The following TNKS variants were observed in gnomAD, a reference collection of about 807,000 sequenced individuals.
TNKS encodes poly [ADP-ribose] polymerase tankyrase-1.
Under a neutral mutation model 135.8 loss-of-function variants are expected in TNKS, and 72 were observed. That is an observed-to-expected ratio of 0.53 (90% CI 0.44 to 0.64). The LOEUF (loss-of-function observed/expected upper bound fraction) is 0.64. Ranked by LOEUF, TNKS falls within the 30% of genes least tolerant of loss-of-function variation. The pLI, the probability that TNKS is intolerant of heterozygous loss-of-function variation, is 0.00. For missense variants in TNKS, 1,769 were observed against 1,674.0 expected (o/e 1.06, Z -0.99); for synonymous variants, 849 against 649.3 (o/e 1.31, Z -4.68).
intron 3 of TNKS, 98 bp downstream of exon 3, chr8:9,615,775 A>G: frequency 1.1e-6 from 1 of 890,626 alleles, no homozygotes; most frequent in East Asian, 2.7e-5. Context: ...TCACTGATGA[A>G]GCTAAGCAAA....
At chr8:9,775,498 T>TATATATATATATATATATAC (rs1808181432) in intron 26 of TNKS, among the ~76,000 whole-genome samples, 1 of 97,620 alleles carries the variant, frequency 1.0e-5, no homozygotes. Context: ...TATATATATA[T>TATATATATATATATATATAC]ATATATGTAG....
intron 1 of TNKS, chr8:9,566,403 A>C (rs989573624): frequency 3.3e-5 from 5 of 152,104 alleles, no homozygotes; most frequent in Non-Finnish European, 7.4e-5. Flanking sequence ...CTGTTATCCT[A>C]TGTTAATTTA....
At chr8:9,580,121 C>G (rs774599289) in intron 1 of TNKS, 38 bp from the exon 2 acceptor site, 3 of 1,566,732 alleles carry the variant, frequency 1.9e-6, no homozygotes, top group Non-Finnish European at 2.6e-6. Flanking sequence ...TTTACAAAAT[C>G]AAATATATAT....
chr8:9,634,246 AG>A (rs1174699690), intron 3 of TNKS, among the ~76,000 whole-genome samples: 1 of 151,998 alleles, frequency 6.6e-6, no homozygotes, highest in African/African-American at 2.4e-5. Flanking sequence ...TAATTTCTGG[AG>A]GCATGTTAAT....
chr8:9,713,218 T>C (rs1161428088), intron 11 of TNKS, among the ~76,000 whole-genome samples: 1 of 152,186 alleles, frequency 6.6e-6, no homozygotes, highest in Non-Finnish European at 1.5e-5. Context: ...ATAAGTAGCA[T>C]CTTGTTGCTC....
intron 20 of TNKS, among the ~76,000 whole-genome samples, chr8:9,758,006 C>T (rs1806933645): frequency 6.6e-6 from 1 of 152,210 alleles, no homozygotes; most frequent in African/African-American, 2.4e-5. Context: ...TGTCCACCTT[C>T]TAGTCATCCT....
chr8:9,710,186 A>G lies in TNKS; in HGVS notation c.1715A>G (p.Asp572Gly). ...GTTGCAGCCGAAAGAGCCCATAATGATGTCATGGAAGTTCTGCATAAGCAT... is the reference window on the plus strand; with the variant it reads ...GTTGCAGCCGAAAGAGCCCATAATGGTGTCATGGAAGTTCTGCATAAGCAT... ...LHVAAERAHN[D>G]VMEVLHKHGA... The change falls in exon 11 of 27, where the codon GAT (aspartate) becomes GGT (glycine). Residue 572 changes from aspartate (D) to glycine (G), a missense_variant. Transcript: ENST00000310430. 6.2e-7 allele frequency: 1 copy of G among 1,614,208 alleles called. No individual in the cohort carries two copies. Among genetic ancestry groups the G allele is most frequent in the Non-Finnish European group, 8.5e-7 (1 of 1,180,042 alleles).
Position 9,706,958 on chromosome 8 carries a change from G to T in TNKS, c.1417G>T (p.Asp473Tyr). 6.2e-7 allele frequency: 1 copy of T among 1,611,464 alleles called. No homozygotes were observed. Among genetic ancestry groups the T allele is most frequent in the Non-Finnish European group, 8.5e-7 (1 of 1,179,026 alleles). The change falls in exon 8 of 27, where the codon GAT (aspartate) becomes TAT (tyrosine). Residue 473 changes from aspartate (D) to tyrosine (Y), a missense_variant. Asp to Tyr is a radical substitution (Grantham distance 160). Around this residue, in one of 5 missense-constraint regions of TNKS, gnomAD observed 523 missense variants for 541.0 expected, o/e 0.97. Coordinates refer to ENST00000310430, the MANE Select transcript of TNKS (RefSeq NM_003747.3). ...LVNCHGKSAV[D>Y]MAPTPELRER... Reference sequence around the variant, plus strand: ...CAACTGCCATGGCAAAAGTGCTGTGGATATGGCTCCAACTCCGGAGCTTAG... The same window carrying T: ...CAACTGCCATGGCAAAAGTGCTGTGTATATGGCTCCAACTCCGGAGCTTAG...
At chr8:9,659,901 G>C (rs1401184247) in intron 3 of TNKS, among the ~76,000 whole-genome samples, 1 of 151,942 alleles carries the variant, frequency 6.6e-6, no homozygotes, top group Non-Finnish European at 1.5e-5. Context: ...ATGATAAAGG[G>C]GATACCACCA....
At chr8:9,617,423 C>G (rs938416912) in intron 3 of TNKS, among the ~76,000 whole-genome samples, 1 of 152,114 alleles carries the variant, frequency 6.6e-6, no homozygotes, top group Non-Finnish European at 1.5e-5. Context: ...GTTAATTGTT[C>G]TTTTCAAGAA....
At chr8:9,648,881 T>C (rs1801021368) in intron 3 of TNKS, among the ~76,000 whole-genome samples, 2 of 152,070 alleles carry the variant, frequency 1.3e-5, no homozygotes, top group African/African-American at 4.8e-5. Flanking sequence ...GAGGGGTCTG[T>C]TATATCTAGG....
intron 20 of TNKS, among the ~76,000 whole-genome samples, chr8:9,753,600 A>C (rs549095441): frequency 3.3e-5 from 5 of 152,342 alleles, no homozygotes; most frequent in Admixed American, 2.0e-4. Flanking sequence ...TTAAATATTG[A>C]ATGATGGTAA....
Position 9,556,532 on chromosome 8 carries a change from T to C in TNKS, c.593T>C (p.Val198Ala). Residue 198 changes from valine to alanine, a missense_variant, in exon 1 of 27, where the codon GTA becomes GCA. Val to Ala is a moderately conservative substitution (Grantham distance 64). Transcript: ENST00000310430. The part of the protein sequence containing the change: ...EACRNGDVSR[V>A]KRLVDAANVN... ...TGTCGCAATGGGGACGTGTCCCGGG[T>C]AAAGAGGCTGGTGGACGCGGCAAAC... 6.2e-7 allele frequency: 1 copy of C among 1,613,892 alleles called. No individual in the cohort carries two copies. Among genetic ancestry groups the C allele is most frequent in the Non-Finnish European group, 8.5e-7 (1 of 1,179,982 alleles).
intron 26 of TNKS, 103 bp downstream of exon 26, chr8:9,770,365 A>G: frequency 8.3e-7 from 1 of 1,199,396 alleles, no homozygotes; most frequent in Non-Finnish European, 1.2e-6. Flanking sequence ...TATCCACCAC[A>G]CAGTGTGCTA....
rs545134198 is a variant in TNKS, at chr8:9,649,291, C to G, written c.995-30660C>G. 8.7e-4 allele frequency among the ~76,000 whole-genome samples: 132 copies of G among 152,218 alleles called. 1 individual carries two copies. The highest frequency in any genetic ancestry group is 3.1e-3 in the African/African-American group (128 of 41,528). ...CAAATATGTAGCCGTTTGTGCTAAG[C>G]AAATAACTTATTTTCTTGTTTCTCC... On this transcript the variant is annotated intron_variant, in intron 3 of 26. Transcript: ENST00000310430.
At chr8:9,625,290 G>A (rs1441809474) in intron 3 of TNKS, among the ~76,000 whole-genome samples, 1 of 151,696 alleles carries the variant, frequency 6.6e-6, no homozygotes, top group Non-Finnish European at 1.5e-5. Flanking sequence ...CCTGATATTG[G>A]TAATTTGTGT....
In TNKS at chr8:9,772,254, A is replaced by C. The variant is rs367808684; in HGVS notation, c.3897+1992A>C. On this transcript the variant is annotated intron_variant, in intron 26 of 26. Coordinates refer to ENST00000310430, the MANE Select transcript of TNKS (RefSeq NM_003747.3). ...TTTTCTTATTACAGACTTACTTTCA[A>C]AGGGGGCTGGGGGGAGGAGTAATTA... 4.4e-4 allele frequency: 167 copies of C among 381,448 alleles called. 1 individual carries two copies. The highest frequency in any genetic ancestry group is 3.2e-3 in the African/African-American group (150 of 47,002). 23.6% of individuals were successfully genotyped at this position (381,448 alleles called of 1,614,324 possible). A position where few individuals can be genotyped will look rare whatever the true frequency, so the allele number is the denominator to read the frequency against.
At chr8:9,724,231 C>T (rs1805046777) in intron 12 of TNKS, among the ~76,000 whole-genome samples, 2 of 152,092 alleles carry the variant, frequency 1.3e-5, no homozygotes, top group African/African-American at 4.8e-5. Flanking sequence ...GGGAGGATTG[C>T]TTGAGCTCAG....
chr8:9,586,721 ACG>A (rs1798391359), intron 2 of TNKS, among the ~76,000 whole-genome samples: 2 of 122,386 alleles, frequency 1.6e-5, no homozygotes, highest in Non-Finnish European at 3.3e-5. Context: ...TATATCTAAA[ACG>A]TGTGTGTGTG....
Sources: gnomAD v4.1 joint callset for allele counts (sites outside exome capture counted in the v4.1 genomes callset) on GRCh38, gnomAD v4.1.1 for gene constraint, gnomAD v4.1.1 regional missense constraint, MANE v1.5 for transcripts, NCBI Gene and HGNC (gene_info 2026-07-23, HGNC 2026-07-21) for gene names.